COLQ: variants seen among roughly 807,000 people sequenced by gnomAD.
COLQ encodes collagen like tail subunit of asymmetric acetylcholinesterase.
Under a neutral mutation model 69.0 loss-of-function variants are expected in COLQ, and 48 were observed. The observed-to-expected ratio is 0.70, with a 90% CI of 0.55 to 0.88. The LOEUF is 0.88. COLQ is among the 40% of genes least tolerant of loss of function. The pLI is 0.00. For synonymous variants in COLQ, 217 were observed against 211.2 expected, an observed-to-expected ratio of 1.03 and a Z score of -0.24; for missense variants, 618 against 594.6, an observed-to-expected ratio of 1.04 and a Z score of -0.41.
Position 15,473,852 on chromosome 3 carries a change from C to T in COLQ, c.636+148G>A. The T allele has an allele frequency of 1.1e-6, 1 of 882,422 alleles. No individual in the cohort carries two copies. The highest frequency in any genetic ancestry group is 1.7e-5 in the African/African-American group (1 of 59,946). The allele number at this position is 882,422 out of a possible 1,614,324, so 54.7% of individuals were successfully genotyped here. On this transcript the variant is annotated intron_variant, in intron 10 of 16. Transcript: ENST00000383788. The surrounding 1 kb of genome is among the most constrained non-coding windows in gnomAD (Gnocchi z 4.0). ...GCCACCCTCTCCCCAGGGTGAAAAG[C>T]AACTTGCTTCCCGTCCCAAAATAGA... is the stretch of plus-strand genomic sequence containing the variant.
chr3:15,520,000 G>A (rs1209839095), intron 1 of COLQ, among the ~76,000 whole-genome samples: 2 of 152,172 alleles, frequency 1.3e-5, no homozygotes, highest in East Asian at 1.9e-4. Context: ...TATAGTGTAA[G>A]GCCACTGTCT....
At chr3:15,483,990 T>A (rs2062533885) in intron 3 of COLQ, among the ~76,000 whole-genome samples, 1 of 152,230 alleles carries the variant, frequency 6.6e-6, no homozygotes, top group African/African-American at 2.4e-5. Context: ...TCTCTTTTGA[T>A]CTTTGTTGGT....
At chr3:15,478,453 C>T (rs565427930) in intron 5 of COLQ, 1 of 168,152 alleles carries the variant, frequency 5.9e-6, no homozygotes, top group African/African-American at 2.4e-5. Context: ...ATATAATAGG[C>T]AGCTGATTTA....
intron 5 of COLQ, 117 bp downstream of exon 5, chr3:15,478,860 C>T (rs1245986095): frequency 6.6e-6 from 8 of 1,208,862 alleles, no homozygotes; most frequent in Non-Finnish European, 9.8e-6. Context: ...CCATCACTGT[C>T]CACCTGGGTA....
chr3:15,474,171 G>C (rs973825638), intron 9 of COLQ, 57 bp downstream of exon 9: 9 of 1,603,874 alleles, frequency 5.6e-6, no homozygotes, highest in Non-Finnish European at 7.7e-6. Context: ...GGGGGTGGGT[G>C]GGGGCTGCTA....
Position 15,451,709 on chromosome 3 carries a change from A to G in COLQ, c.1303T>C (p.Tyr435His). Residue 435 changes from tyrosine (Y) to histidine (H), a missense_variant, in exon 17 of 17, where the codon TAT becomes CAT. By Grantham distance (83) the Tyr-to-His change is moderately conservative (BLOSUM62 2). Transcript: ENST00000383788. ...LTCETYLPGSYGDLQCTQYCY... is the reference protein window; with the variant it reads ...LTCETYLPGSHGDLQCTQYCY... ...TACTGGGTGCATTGCAGGTCTCCATATGACCTGAGGGAGGCAAAGACACGT... is the reference window on the plus strand; with the variant it reads ...TACTGGGTGCATTGCAGGTCTCCATGTGACCTGAGGGAGGCAAAGACACGT... 1 of 1,613,724 alleles carries G rather than the reference A, an allele frequency of 6.2e-7. No homozygotes were observed. Among genetic ancestry groups the G allele is most frequent in the East Asian group, 2.2e-5 (1 of 44,872 alleles).
chr3:15,475,069 G>T, intron 7 of COLQ, 118 bp from the exon 8 acceptor site: 1 of 1,116,106 alleles, frequency 9.0e-7, no homozygotes, highest in Non-Finnish European at 1.4e-6. Flanking sequence ...TGCACTGTGA[G>T]TTTTAGTGGG....
intron 1 of COLQ, among the ~76,000 whole-genome samples, chr3:15,505,266 T>G (rs2062892919): frequency 6.6e-6 from 1 of 152,132 alleles, no homozygotes; most frequent in South Asian, 2.1e-4. Flanking sequence ...ATATAAGAAG[T>G]TATTCTCTTC....
intron 12 of COLQ, among the ~76,000 whole-genome samples, chr3:15,464,827 G>A (rs528620962): frequency 6.6e-6 from 1 of 152,318 alleles, no homozygotes; most frequent in South Asian, 2.1e-4. Context: ...CCCCTACCAT[G>A]AGCTGACAAG....
At chr3:15,477,396 TC>T (rs1439717200) in intron 5 of COLQ, 199 bp from the exon 6 acceptor site, 5 of 585,400 alleles carry the variant, frequency 8.5e-6, no homozygotes, top group African/African-American at 1.9e-5. Context: ...ACCTTATTCT[TC>T]TCAAGAAATG....
At chr3:15,491,189 A>G (rs2062660644) in intron 1 of COLQ, among the ~76,000 whole-genome samples, 1 of 152,118 alleles carries the variant, frequency 6.6e-6, no homozygotes, top group African/African-American at 2.4e-5. Flanking sequence ...CCTAAAAAAA[A>G]GAAGAAAAAA....
intron 1 of COLQ, among the ~76,000 whole-genome samples, chr3:15,495,474 C>CA (rs2062733778): frequency 6.6e-6 from 1 of 152,154 alleles, no homozygotes; most frequent in South Asian, 2.1e-4. Context: ...TAAACAGCAG[C>CA]AATCACTCAT....
At position 15,450,278 on chromosome 3, in the gene COLQ, C is replaced by T. The variant is rs376129145; in HGVS notation, c.*1366G>A. The T allele has an allele frequency of 6.5e-6, 1 of 153,530 alleles. No homozygotes were observed. The highest frequency in any genetic ancestry group is 1.5e-5 in the Non-Finnish European group (1 of 68,072). 9.5% of individuals were successfully genotyped at this position (153,530 alleles called of 1,614,324 possible). A position where few individuals can be genotyped will look rare whatever the true frequency, so the allele number is the denominator to read the frequency against. ...GCCCATGTGCCTGTCTCTAAAGACGCCACCCTCAGGTTGATGTCACCTGTG... is the reference window on the plus strand; with the variant it reads ...GCCCATGTGCCTGTCTCTAAAGACGTCACCCTCAGGTTGATGTCACCTGTG... On this transcript the variant is annotated 3_prime_UTR_variant, in exon 17 of 17. Coordinates refer to ENST00000383788, the MANE Select transcript of COLQ (RefSeq NM_005677.4).
At chr3:15,500,750 T>C (rs141470342) in intron 1 of COLQ, among the ~76,000 whole-genome samples, 2 of 152,362 alleles carry the variant, frequency 1.3e-5, no homozygotes, top group Non-Finnish European at 2.9e-5. Flanking sequence ...GCATTGTCTC[T>C]GTCTTTCCAA....
chr3:15,485,975 G>GATAATA (rs1346522341), intron 3 of COLQ, among the ~76,000 whole-genome samples: 4 of 152,116 alleles, frequency 2.6e-5, no homozygotes, highest in African/African-American at 4.8e-5. Context: ...TAATAATAAT[G>GATAATA]ATAATAATAA....
chr3:15,462,492 C>CG (rs11425753), intron 12 of COLQ, among the ~76,000 whole-genome samples: 4,222 of 152,212 alleles, frequency 0.028, 179 homozygotes, highest in African/African-American at 0.094. Context: ...GAATGGGGGG[C>CG]GGGGGCATCA....
In COLQ at chr3:15,451,683, G is replaced by A. The variant is rs895714267; in HGVS notation, c.1329C>T (p.Tyr443=). 1.2e-6 allele frequency: 2 copies of A among 1,614,166 alleles called. No individual in the cohort carries two copies. The highest frequency in any genetic ancestry group is 1.7e-6 in the Non-Finnish European group (2 of 1,180,026). ...GSYGDLQCTQ[Y]CYIDSTPCRY... is the part of the protein sequence containing the mutation. ...GGCAGGGCGTGGAGTCGATGTAGCAGTACTGGGTGCATTGCAGGTCTCCAT... is the reference window on the plus strand; with the variant it reads ...GGCAGGGCGTGGAGTCGATGTAGCAATACTGGGTGCATTGCAGGTCTCCAT... The change falls in exon 17 of 17, where the codon TAC becomes TAT. Residue 443 remains tyrosine, a synonymous_variant. Transcript: ENST00000383788.
chr3:15,469,885 A>C (rs576200901), intron 11 of COLQ, among the ~76,000 whole-genome samples: 1 of 152,302 alleles, frequency 6.6e-6, no homozygotes, highest in Non-Finnish European at 1.5e-5. Flanking sequence ...TAGCCTAAGG[A>C]AATAAGTAAA....
intron 1 of COLQ, among the ~76,000 whole-genome samples, chr3:15,511,397 C>T (rs937622270): frequency 1.3e-4 from 20 of 152,240 alleles, no homozygotes; most frequent in African/African-American, 4.6e-4. Flanking sequence ...CCAATGCACT[C>T]TTATTCTCAG....
Sources: gnomAD v4.1 joint callset for allele counts (sites outside exome capture counted in the v4.1 genomes callset) on GRCh38, gnomAD v4.1.1 for gene constraint, Gnocchi (gnomAD v3.1) non-coding constraint, MANE v1.5 for transcripts, NCBI Gene and HGNC (gene_info 2026-07-23, HGNC 2026-07-21) for gene names.